KIF7: variants seen among roughly 807,000 people sequenced by gnomAD.
The protein encoded by KIF7 is kinesin family member 7.
Under a neutral mutation model 135.7 loss-of-function variants are expected in KIF7, and 104 were observed. The observed-to-expected ratio is 0.77, with a 90% confidence interval of 0.65 to 0.90. The LOEUF (loss-of-function observed/expected upper bound fraction) is 0.90. Ranked by LOEUF, KIF7 falls within the 40% of genes least tolerant of loss-of-function variation. The pLI, the probability that KIF7 is intolerant of heterozygous loss-of-function variation, is 0.00. For synonymous variants in KIF7, 883 were observed against 809.4 expected, an observed-to-expected ratio of 1.09 and a Z score of -1.54; for missense variants, 2,005 against 1,839.1, an observed-to-expected ratio of 1.09 and a Z score of -1.65.
chr15:89,631,838 T>C, intron 14 of KIF7, 128 bp from the exon 15 acceptor site: 1 of 806,918 alleles, frequency 1.2e-6, no homozygotes, highest in East Asian at 2.7e-5. Context: ...AATGTTCTGC[T>C]CAGCAGGGAG....
Position 89,631,165 on chromosome 15 carries a change from G to A in KIF7, c.3111+330C>T, listed in dbSNP as rs986238206. Reference sequence around the variant, plus strand: ...GAACACAGATGTGTGGGCATGAGGTGCACTGAGTATGCGCCTGACACTCCA... The same window carrying A: ...GAACACAGATGTGTGGGCATGAGGTACACTGAGTATGCGCCTGACACTCCA... On this transcript the variant is annotated intron_variant, in intron 15 of 18. Coordinates refer to ENST00000394412, the MANE Select transcript of KIF7 (RefSeq NM_198525.3). 4 of 345,860 alleles carry A rather than the reference G, an allele frequency of 1.2e-5. No homozygotes were observed. In the East Asian group the frequency reaches 1.6e-4, roughly 14 times the overall value. 21.4% of individuals were successfully genotyped at this position (345,860 alleles called of 1,614,324 possible). A position where few individuals can be genotyped will look rare whatever the true frequency, so the allele number is the denominator to read the frequency against.
chr15:89,618,176 T>C, exon 2 of KIF7: 1 of 1,614,196 alleles, frequency 6.2e-7, no homozygotes, highest in Non-Finnish European at 8.5e-7. Context: ...GTCCTGATAT[T>C]GGTGTTGTTG....
At chr15:89,629,352 G>C in intron 17 of KIF7, 23 bp downstream of exon 17, 6 of 1,563,442 alleles carry the variant, frequency 3.8e-6, no homozygotes, top group Non-Finnish European at 5.2e-6. Context: ...CCGGGGTTGT[G>C]AGCCATGGGC....
chr15:89,649,791 C>T lies in KIF7; in HGVS notation c.479G>A (p.Gly160Asp), dbSNP rs1432505645. The change falls in exon 3 of 19, where the codon GGC (glycine) becomes GAC (aspartate). Residue 160 changes from glycine to aspartate, a missense_variant. Transcript: ENST00000394412. ...KEEFRDLLEVGTASRDIQLRE... is the reference protein window; with the variant it reads ...KEEFRDLLEVDTASRDIQLRE... ...GAGCTGGATGTCACGGCTGGCAGTG[C>T]CCACCTCGAGCAGGTCTCGGAACTC... 2.6e-6 allele frequency: 4 copies of T among 1,551,806 alleles called. No individual in the cohort carries two copies. The highest frequency in any genetic ancestry group is 3.5e-6 in the Non-Finnish European group (4 of 1,147,012).
In KIF7 at chr15:89,649,177, C is replaced by T. The variant is rs1245816159; in HGVS notation, c.720G>A (p.Pro240=). ...RAPSRLPRPA[P]GQLLVSKFHF... is the part of the protein sequence containing the mutation. ...GGAACTTGGAGACGAGCAGCTGGCC[C>T]GGGGCGGGGCGGGGTAGGCGGCTGG... Residue 240 remains proline, a synonymous_variant, in exon 4 of 19, where the codon CCG becomes CCA. Coordinates refer to ENST00000394412, the MANE Select transcript of KIF7 (RefSeq NM_198525.3). 1.3e-6 allele frequency: 2 copies of T among 1,546,884 alleles called. No individual in the cohort carries two copies. The highest frequency in any genetic ancestry group is 2.4e-5 in the East Asian group (1 of 40,870).
chr15:89,633,384 G>A (rs1963728911), intron 12 of KIF7, 118 bp from the exon 13 acceptor site: 2 of 1,350,442 alleles, frequency 1.5e-6, no homozygotes, highest in Non-Finnish European at 2.0e-6. Flanking sequence ...CCTGCGAAGT[G>A]TCCCCCAGAC....
Position 89,641,071 on chromosome 15 carries a change from T to C in KIF7, c.2394+1132A>G, listed in dbSNP as rs73483499. Among the ~76,000 whole-genome samples, 1,111 of 152,176 alleles carry C rather than the reference T, an allele frequency of 7.3e-3. 18 individuals carry two copies. The highest frequency in any genetic ancestry group is 0.026 in the African/African-American group (1,078 of 41,518). On this transcript the variant is annotated intron_variant, in intron 11 of 18. Transcript: ENST00000394412. The stretch of plus-strand genomic sequence containing the variant: ...CTGAATTGTGTTTCCCCAAAATTCC[T>C]ATATGAAAGCCCTAACCACCAGCAC...
downstream of KIF7, chr15:89,623,748 C>T (rs1366307690): frequency 7.4e-6 from 12 of 1,614,004 alleles, no homozygotes; most frequent in Non-Finnish European, 1.0e-5. Flanking sequence ...CAAAAATGAC[C>T]CCTACAAAGC....
At chr15:89,625,167 C>T (rs1240336148), downstream of KIF7, 3 of 1,613,812 alleles carry the variant, frequency 1.9e-6, no homozygotes, top group Non-Finnish European at 1.7e-6. Context: ...AACCTGAACC[C>T]ACCTATGTGT....
Position 89,652,534 on chromosome 15 carries a change from A to C in KIF7, c.328+69T>G, listed in dbSNP as rs11630003. 2,668 of 1,214,816 alleles carry C rather than the reference A, an allele frequency of 2.2e-3. 50 individuals carry two copies. In the African/African-American group the frequency reaches 0.036, roughly 16 times the overall value. The allele number at this position is 1,214,816 out of a possible 1,614,324, so 75.3% of individuals were successfully genotyped here. A position where few individuals can be genotyped will look rare whatever the true frequency, so the allele number is the denominator to read the frequency against. ...TCCACAGAACAGGCAGCAAGAGGAC[A>C]AGGCAGAAATCCAGGAAGGAACTAA... On this transcript the variant is annotated intron_variant, in intron 2 of 18. Transcript: ENST00000394412.
chr15:89,658,617 C>A (rs934001465), upstream of KIF7, among the ~76,000 whole-genome samples: 3 of 152,078 alleles, frequency 2.0e-5, no homozygotes, highest in Non-Finnish European at 2.9e-5. Flanking sequence ...AATCCCAGCA[C>A]TTTGGGAGGC....
chr15:89,647,163 A>C, intron 6 of KIF7, 106 bp from the exon 7 acceptor site: 1 of 981,300 alleles, frequency 1.0e-6, no homozygotes, highest in South Asian at 1.4e-5. Flanking sequence ...TCTGGGCTGA[A>C]AATGAGGAGT....
intron 2 of KIF7, among the ~76,000 whole-genome samples, chr15:89,650,583 G>C (rs1004198144): frequency 6.6e-6 from 1 of 152,082 alleles, no homozygotes; most frequent in Non-Finnish European, 1.5e-5. Context: ...TAGTAGAGAT[G>C]GTGTTTCACC....
At chr15:89,631,764 G>A (rs1045341572) in intron 14 of KIF7, 54 bp from the exon 15 acceptor site, 93 of 1,464,814 alleles carry the variant, frequency 6.3e-5, no homozygotes, top group Non-Finnish European at 8.5e-5. Context: ...TCCTCACAGG[G>A]GGGACAGAAA....
intron 1 of KIF7, chr15:89,619,680 G>C: frequency 6.3e-7 from 1 of 1,585,732 alleles, no homozygotes. Context: ...GTTGTCTTTG[G>C]TTACTTACTG....
chr15:89,632,839 T>C lies in KIF7; in HGVS notation c.2876A>G (p.Lys959Arg). ...CCTCACCTGGCTGGATCTCAGGCGC[T>C]TGCTCTCCAGCCCCGTCTTCTCCTG... ...LMQEKTGLES[K>R]RLRSSQALNE... Residue 959 changes from lysine (K) to arginine (R), a missense_variant, in exon 14 of 19, where the codon AAG becomes AGG. Coordinates refer to ENST00000394412, the MANE Select transcript of KIF7 (RefSeq NM_198525.3). 6.2e-7 allele frequency: 1 copy of C among 1,607,596 alleles called. No individual in the cohort carries two copies. Among genetic ancestry groups the C allele is most frequent in the Non-Finnish European group, 8.5e-7 (1 of 1,179,700 alleles).
At chr15:89,623,301 A>G (rs1231486242), downstream of KIF7, among the ~76,000 whole-genome samples, 2 of 152,264 alleles carry the variant, frequency 1.3e-5, no homozygotes, top group Admixed American at 6.5e-5. Flanking sequence ...TTATCTGAAA[A>G]GAAGGAAGAG....
At chr15:89,640,648 G>T (rs1340156353) in intron 11 of KIF7, among the ~76,000 whole-genome samples, 2 of 151,974 alleles carry the variant, frequency 1.3e-5, no homozygotes, top group African/African-American at 4.8e-5. Flanking sequence ...ATGGAAGGGT[G>T]GGAGGGACAG....
rs777371326 is a variant in KIF7 at position 89,628,206 on chromosome 15, GAAGT to G, written c.*209_*212del. 1.3e-5 allele frequency: 7 copies of G among 538,600 alleles called. No individual in the cohort carries two copies. The African/African-American group carries it at 1.3e-4, about 10-fold the overall frequency. The allele number at this position is 538,600 out of a possible 1,614,324, so 33.4% of individuals were successfully genotyped here. A position where few individuals can be genotyped will look rare whatever the true frequency, so the allele number is the denominator to read the frequency against. On this transcript the variant is annotated 3_prime_UTR_variant, in exon 19 of 19. Transcript: ENST00000394412. ...GGCAATTGGGTACCACAGCTTCATG[GAAGT>G]AAGTGGTGGGAATTTGCATATTATT...
Sources: gnomAD v4.1 joint callset for allele counts (sites outside exome capture counted in the v4.1 genomes callset) on GRCh38, gnomAD v4.1.1 for gene constraint, MANE v1.5 for transcripts, NCBI Gene and HGNC (gene_info 2026-07-23, HGNC 2026-07-21) for gene names.